The following COL5A2 variants were observed in gnomAD, a reference collection of about 807,000 sequenced individuals.
The protein encoded by COL5A2 is collagen alpha-2(V) chain.
A neutral mutation model predicts 208.2 loss-of-function variants in COL5A2; 23 were observed. The observed-to-expected ratio is 0.11, with a 90% CI of 0.08 to 0.16. COL5A2 has a LOEUF of 0.16. Ranked by LOEUF, COL5A2 falls within the 10% of genes least tolerant of loss-of-function variation. COL5A2 has a pLI of 1.00. For synonymous variants in COL5A2, 625 were observed against 628.5 expected (o/e 0.99, Z 0.08); for missense variants, 1,590 against 1,956.4 (o/e 0.81, Z 3.53).
intron 1 of COL5A2, among the ~76,000 whole-genome samples, chr2:189,193,483 C>T (rs919064995): frequency 5.3e-5 from 8 of 152,218 alleles, no homozygotes; most frequent in African/African-American, 1.7e-4. Context: ...GTTGATGGAA[C>T]GGTGATAATG....
the COL5A2 span, among the ~76,000 whole-genome samples, chr2:189,307,871 C>CT: frequency 6.6e-6 from 1 of 152,158 alleles, no homozygotes; most frequent in Non-Finnish European, 1.5e-5. Flanking sequence ...TGCCCATGAT[C>CT]TTTTTTATCC....
chr2:189,037,777 A>C (rs1485118030), intron 51 of COL5A2, among the ~76,000 whole-genome samples: 1 of 152,200 alleles, frequency 6.6e-6, no homozygotes, highest in South Asian at 2.1e-4. Flanking sequence ...ATTAAACTAC[A>C]TGAAAGGAAT....
At chr2:189,039,240 G>C (rs1420354714) in intron 51 of COL5A2, 32 bp downstream of exon 51, 1 of 1,612,234 alleles carries the variant, frequency 6.2e-7, no homozygotes, top group Non-Finnish European at 8.5e-7. Context: ...AGAAACAACG[G>C]GTTTTGCTCA....
At chr2:189,361,933 G>A in the COL5A2 span, among the ~76,000 whole-genome samples, 2 of 152,122 alleles carry the variant, frequency 1.3e-5, 1 homozygote, top group South Asian at 4.2e-4. Context: ...TTGACTTACT[G>A]ATGTTTCCGT....
At chr2:189,278,432 C>T in the COL5A2 span, among the ~76,000 whole-genome samples, 9 of 151,994 alleles carry the variant, frequency 5.9e-5, no homozygotes, top group Non-Finnish European at 1.2e-4. Context: ...GTCAAGAAAA[C>T]GTATTGTATA....
chr2:189,051,415 C>T lies in COL5A2; in HGVS notation c.2836G>A (p.Asp946Asn). The change falls in exon 42 of 54, where the codon GAC (aspartate) becomes AAC (asparagine). Residue 946 changes from aspartate to asparagine, a missense_variant. Asp to Asn is a conservative substitution (Grantham distance 23). Coordinates refer to ENST00000374866, the MANE Select transcript of COL5A2 (RefSeq NM_000393.5). ...CCCACACGCCCATGAGAGCCAGGGT[C>T]CCCACGAAGACCTGGAGGTCCCTCC... ...GKEGPPGLRGDPGSHGRVGDR... is the reference protein window; with the variant it reads ...GKEGPPGLRGNPGSHGRVGDR... 1 of 1,613,790 alleles carries T rather than the reference C, an allele frequency of 6.2e-7. No homozygotes were observed.
the COL5A2 span, among the ~76,000 whole-genome samples, chr2:189,329,439 G>C: frequency 1.3e-5 from 2 of 152,118 alleles, no homozygotes; most frequent in Non-Finnish European, 2.9e-5. Flanking sequence ...ATAATGTACT[G>C]TATAATTGAA....
intron 3 of COL5A2, among the ~76,000 whole-genome samples, chr2:189,101,627 G>T (rs1019294798): frequency 3.3e-5 from 5 of 152,060 alleles, no homozygotes; most frequent in African/African-American, 1.2e-4. Flanking sequence ...TACTACTAAA[G>T]ATACAATCTA....
At chr2:189,412,578 G>C in the COL5A2 span, among the ~76,000 whole-genome samples, 2 of 152,176 alleles carry the variant, frequency 1.3e-5, no homozygotes, top group East Asian at 3.9e-4. Context: ...TGCAGTTGTG[G>C]CTTCAGTTTC....
At chr2:189,357,763 G>GAAAAAA in the COL5A2 span, among the ~76,000 whole-genome samples, 6 of 123,988 alleles carry the variant, frequency 4.8e-5, 1 homozygote, top group Non-Finnish European at 8.2e-5. Context: ...ACTCGGGTAT[G>GAAAAAA]AAAAAAAAAA....
chr2:189,169,525 C>A (rs1012373793), intron 1 of COL5A2, among the ~76,000 whole-genome samples: 1 of 152,014 alleles, frequency 6.6e-6, no homozygotes, highest in East Asian at 1.9e-4. Context: ...CTTATTAACA[C>A]ACAGATAAAA....
chr2:189,033,961 A>T lies in COL5A2; in HGVS notation c.*109T>A. On this transcript the variant is annotated 3_prime_UTR_variant, in exon 54 of 54. Transcript: ENST00000374866. ...ACCATATATACAATGCTGATGCAGG[A>T]TCAGCCATTACTTCAAGAGTCTCAG... The T allele has an allele frequency of 7.1e-7, 1 of 1,417,806 alleles. No individual in the cohort carries two copies. Among genetic ancestry groups the T allele is most frequent in the Non-Finnish European group, 9.9e-7 (1 of 1,009,356 alleles). 87.8% of individuals were successfully genotyped at this position (1,417,806 alleles called of 1,614,324 possible).
chr2:189,416,641 A>G, the COL5A2 span, among the ~76,000 whole-genome samples: 1 of 152,226 alleles, frequency 6.6e-6, no homozygotes, highest in African/African-American at 2.4e-5. Context: ...CAGCACACCA[A>G]CATGGCGTAT....
At chr2:189,079,278 T>C (rs1017746621) in intron 14 of COL5A2, among the ~76,000 whole-genome samples, 171 bp from the exon 15 acceptor site, 19 of 152,178 alleles carry the variant, frequency 1.2e-4, no homozygotes, top group African/African-American at 4.3e-4. Context: ...AATGCAATAG[T>C]AGTGTAGTTT....
chr2:189,158,696 G>A (rs1306679652), intron 1 of COL5A2, among the ~76,000 whole-genome samples: 1 of 151,924 alleles, frequency 6.6e-6, no homozygotes, highest in African/African-American at 2.4e-5. Context: ...TCTCTTCTAA[G>A]AGTATCTCTG....
intron 1 of COL5A2, among the ~76,000 whole-genome samples, chr2:189,218,885 A>C (rs1689311659): frequency 6.6e-6 from 1 of 152,198 alleles, no homozygotes; most frequent in African/African-American, 2.4e-5. Flanking sequence ...GCAGAAAAAA[A>C]AAATGAACTT....
the COL5A2 span, among the ~76,000 whole-genome samples, chr2:189,431,692 C>G: frequency 1.3e-5 from 2 of 152,100 alleles, no homozygotes; most frequent in African/African-American, 4.8e-5. Context: ...AAATATGGGA[C>G]TCTGTGAAAA....
At chr2:189,053,745 A>T in intron 37 of COL5A2, 150 bp downstream of exon 37, 2 of 804,036 alleles carry the variant, frequency 2.5e-6, no homozygotes, top group South Asian at 3.4e-5. Flanking sequence ...ATAATTTTTA[A>T]GTTTAATTAG....
At chr2:189,311,434 C>G in the COL5A2 span, 18 of 1,140,294 alleles carry the variant, frequency 1.6e-5, no homozygotes, top group East Asian at 4.0e-4. Context: ...TCTCAGCCTC[C>G]AGCTTGACCT....
Sources: allele counts gnomAD v4.1 joint callset (sites outside exome capture counted in the v4.1 genomes callset), GRCh38; gene constraint gnomAD v4.1.1; transcripts MANE v1.5; gene names NCBI Gene and HGNC (gene_info 2026-07-23, HGNC 2026-07-21).